Variants in KCNMB2 observed in about 807,000 individuals in gnomAD.
KCNMB2 encodes the protein calcium-activated potassium channel subunit beta-2.
A neutral mutation model predicts 24.5 loss-of-function variants in KCNMB2; 9 were observed. That is an observed-to-expected ratio of 0.37 (90% confidence interval 0.22 to 0.64). The LOEUF is 0.64. Among genes scored for constraint, KCNMB2 ranks in the 30% least tolerant of loss-of-function variants. The pLI is 0.63. For missense variants in KCNMB2, 226 were observed against 284.3 expected (o/e 0.79, Z 1.47); for synonymous variants, 109 against 104.4 (o/e 1.04, Z -0.27).
chr3:178,796,454 T>A (rs1713544079), intron 1 of KCNMB2, among the ~76,000 whole-genome samples: 1 of 152,210 alleles, frequency 6.6e-6, no homozygotes, highest in Non-Finnish European at 1.5e-5. Flanking sequence ...AGAATACACA[T>A]TCTTCTCCTC....
rs1315450047 is a variant in KCNMB2, at chr3:178,701,992, T to C, written c.-67-105351T>C. Among the ~76,000 whole-genome samples the C allele has an allele frequency of 3.3e-5, 5 of 152,084 alleles. 1 individual carries two copies. In the South Asian group the frequency reaches 6.2e-4, roughly 19 times the overall value. On this transcript the variant is annotated intron_variant, in intron 1 of 4. Coordinates refer to ENST00000452583, the MANE Select transcript of KCNMB2 (RefSeq NM_181361.3). The stretch of plus-strand genomic sequence containing the variant: ...AAAGACACATGCACACGTACATTTA[T>C]TGCGGCACTACTCACAATAGCAAAG...
chr3:178,788,430 A>G lies in KCNMB2; in HGVS notation c.-67-18913A>G, dbSNP rs149974641. Among the ~76,000 whole-genome samples the G allele has an allele frequency of 9.6e-4, 146 of 152,236 alleles. 1 individual carries two copies. The highest frequency in any genetic ancestry group is 3.3e-3 in the African/African-American group (136 of 41,554). On this transcript the variant is annotated intron_variant, in intron 1 of 4. Coordinates refer to ENST00000452583, the MANE Select transcript of KCNMB2 (RefSeq NM_181361.3). ...GGTTCTTTGGAAAAAAATCAAACAG[A>G]AGGGCTTTATGTATCAGTATGGCCA... is the stretch of plus-strand genomic sequence containing the variant.
intron 1 of KCNMB2, 73 bp downstream of exon 1, chr3:178,536,784 C>A (rs1715424609): frequency 6.6e-6 from 1 of 152,540 alleles, no homozygotes; most frequent in South Asian, 2.1e-4. Flanking sequence ...GCGTGAGGAT[C>A]GTGAATTGCA....
At chr3:178,695,147 T>C (rs1721829091) in intron 1 of KCNMB2, among the ~76,000 whole-genome samples, 1 of 152,188 alleles carries the variant, frequency 6.6e-6, no homozygotes, top group Non-Finnish European at 1.5e-5. Context: ...GGGCTTGGGG[T>C]TTGCACCCTC....
chr3:178,617,284 C>T (rs979432998), intron 1 of KCNMB2, among the ~76,000 whole-genome samples: 20 of 151,982 alleles, frequency 1.3e-4, no homozygotes, highest in Non-Finnish European at 2.8e-4. Context: ...ACAGTCCAGG[C>T]GTGGTGGCTC....
Position 178,597,494 on chromosome 3 carries a change from A to C in KCNMB2, c.-68+60783A>C, listed in dbSNP as rs535319891. Among the ~76,000 whole-genome samples, 7 of 152,288 alleles carry C rather than the reference A, an allele frequency of 4.6e-5. No homozygotes were observed. The South Asian group carries it at 1.2e-3, about 27-fold the overall frequency. On this transcript the variant is annotated intron_variant, in intron 1 of 4. Transcript: ENST00000452583. ...GCTTCATTCCTCATGAAATGTGCAC[A>C]ACACTGAGTTTGCACAGCTAGGCCC...
chr3:178,797,399 C>T (rs774279466), intron 1 of KCNMB2, among the ~76,000 whole-genome samples: 12 of 152,040 alleles, frequency 7.9e-5, no homozygotes, highest in Non-Finnish European at 1.8e-4. Flanking sequence ...ACCATTATTA[C>T]CCAGACACAA....
chr3:178,686,753 C>T (rs13088032), intron 1 of KCNMB2, among the ~76,000 whole-genome samples: 47,717 of 151,938 alleles, frequency 0.31, 7,949 homozygotes, highest in African/African-American at 0.42. Context: ...AAAAAACTTT[C>T]GCGACACCCA....
intron 1 of KCNMB2, among the ~76,000 whole-genome samples, chr3:178,760,441 ATAT>A (rs1482110050): frequency 2.1e-5 from 3 of 142,440 alleles, no homozygotes; most frequent in Non-Finnish European, 4.5e-5. Flanking sequence ...CAAGATATAT[ATAT>A]TATATATATA....
intron 1 of KCNMB2, among the ~76,000 whole-genome samples, chr3:178,675,830 G>A (rs1721053783): frequency 6.6e-6 from 1 of 152,158 alleles, no homozygotes; most frequent in South Asian, 2.1e-4. Context: ...GTCAGACAGA[G>A]AGAAACATGC....
intron 1 of KCNMB2, among the ~76,000 whole-genome samples, chr3:178,662,285 AC>A (rs1720558979): frequency 6.6e-6 from 1 of 152,192 alleles, no homozygotes; most frequent in South Asian, 2.1e-4. Flanking sequence ...GCTTTATCCA[AC>A]ATCAAAAACT....
chr3:178,620,347 T>G lies in KCNMB2; in HGVS notation c.-68+83636T>G, dbSNP rs1190984673. Among the ~76,000 whole-genome samples the G allele has an allele frequency of 2.6e-5, 4 of 152,222 alleles. No homozygotes were observed. The East Asian group carries it at 5.8e-4, about 22-fold the overall frequency. On this transcript the variant is annotated intron_variant, in intron 1 of 4. Transcript: ENST00000452583. ...TTAAATGGAAAAAATTTTAAATTAT[T>G]TTTTAGAGAAAAAGTTATATACAGG...
intron 1 of KCNMB2, among the ~76,000 whole-genome samples, chr3:178,663,943 T>TA (rs1356839718): frequency 6.6e-6 from 1 of 152,098 alleles, no homozygotes; most frequent in Non-Finnish European, 1.5e-5. Flanking sequence ...TTGAAAGAGT[T>TA]ATGGCAATGA....
intron 1 of KCNMB2, among the ~76,000 whole-genome samples, chr3:178,656,885 C>T (rs1028247681): frequency 4.0e-5 from 6 of 151,784 alleles, no homozygotes; most frequent in South Asian, 2.1e-4. Flanking sequence ...TTTGTTGGGG[C>T]GGGGTAGGGG....
At chr3:178,792,755 G>T (rs1244375473) in intron 1 of KCNMB2, among the ~76,000 whole-genome samples, 5 of 152,200 alleles carry the variant, frequency 3.3e-5, no homozygotes, top group Non-Finnish European at 7.3e-5. Flanking sequence ...AACCAAAAAA[G>T]AGCAGAAGTA....
intron 1 of KCNMB2, among the ~76,000 whole-genome samples, chr3:178,783,402 T>C (rs1712955868): frequency 6.6e-6 from 1 of 151,132 alleles, no homozygotes; most frequent in Non-Finnish European, 1.5e-5. Flanking sequence ...ATTTTCACGA[T>C]ATTGATTCTT....
rs1249612495 is a variant in KCNMB2 at position 178,844,092 on chromosome 3, C to T, written c.*1155C>T. 2.0e-5 allele frequency: 3 copies of T among 152,444 alleles called. No individual in the cohort carries two copies. Among genetic ancestry groups the T allele is most frequent in the Non-Finnish European group, 4.4e-5 (3 of 67,960 alleles). The allele number at this position is 152,444 out of a possible 1,614,324, so 9.4% of individuals were successfully genotyped here. A position where few individuals can be genotyped will look rare whatever the true frequency, so the allele number is the denominator to read the frequency against. On this transcript the variant is annotated 3_prime_UTR_variant, in exon 5 of 5. Transcript: ENST00000452583. ...CAGACTTAAAGAAAGCCTTTGTTCA[C>T]ATTGCTATTTACTTTTGTGTTTGGG... is the stretch of plus-strand genomic sequence containing the variant.
intron 1 of KCNMB2, among the ~76,000 whole-genome samples, chr3:178,674,473 C>T (rs1721006986): frequency 1.3e-5 from 2 of 152,318 alleles, no homozygotes; most frequent in South Asian, 4.1e-4. Flanking sequence ...TGGCTCCTCT[C>T]TCTCTCATTC....
chr3:178,542,413 A>G (rs1169969808), intron 1 of KCNMB2, among the ~76,000 whole-genome samples: 2 of 152,146 alleles, frequency 1.3e-5, no homozygotes, highest in African/African-American at 4.8e-5. Flanking sequence ...TTATCTCATT[A>G]CTATTGTTAT....
Sources: allele counts gnomAD v4.1 joint callset (sites outside exome capture counted in the v4.1 genomes callset), GRCh38; gene constraint gnomAD v4.1.1; transcripts MANE v1.5; gene names NCBI Gene and HGNC (gene_info 2026-07-23, HGNC 2026-07-21).